Variants in PTPRZ1 observed in about 807,000 individuals in gnomAD.
PTPRZ1 encodes receptor-type tyrosine-protein phosphatase zeta.
PTPRZ1 carries 82 observed loss-of-function variants against 214.1 expected under a neutral mutation model. That is an observed-to-expected ratio of 0.38 (90% CI 0.32 to 0.46). PTPRZ1 has a LOEUF of 0.46. Ranked by LOEUF, PTPRZ1 falls within the 20% of genes least tolerant of loss-of-function variation. The pLI is 1.00. For missense variants in PTPRZ1, 2,603 were observed against 2,748.7 expected, an observed-to-expected ratio of 0.95 and a Z score of 1.19; for synonymous variants, 945 against 987.9, an observed-to-expected ratio of 0.96 and a Z score of 0.81.
chr7:121,903,777 A>G (rs1293273816), intron 1 of PTPRZ1, among the ~76,000 whole-genome samples: 1 of 152,196 alleles, frequency 6.6e-6, no homozygotes. Context: ...GAAGAGAGTT[A>G]ATCCTAGTAA....
chr7:121,937,085 A>T (rs1490206348), intron 2 of PTPRZ1, among the ~76,000 whole-genome samples: 1 of 152,234 alleles, frequency 6.6e-6, no homozygotes, highest in Admixed American at 6.5e-5. Flanking sequence ...ATAGACTGTT[A>T]TAGAGCTTCT....
chr7:121,928,708 T>C (rs1795838989), intron 2 of PTPRZ1, among the ~76,000 whole-genome samples: 1 of 152,250 alleles, frequency 6.6e-6, no homozygotes, highest in Middle Eastern at 3.2e-3. Context: ...GGCATTCTTC[T>C]GAATTACTGT....
intron 8 of PTPRZ1, among the ~76,000 whole-genome samples, chr7:121,994,127 C>A (rs767560003): frequency 3.9e-5 from 6 of 152,074 alleles, no homozygotes; most frequent in Admixed American, 6.6e-5. Context: ...AATTTTGACA[C>A]GTCTACTGAT....
intron 1 of PTPRZ1, among the ~76,000 whole-genome samples, chr7:121,882,748 TA>T (rs1296919930): frequency 1.3e-5 from 2 of 152,138 alleles, no homozygotes; most frequent in African/African-American, 4.8e-5. Flanking sequence ...GAAGCTTGGT[TA>T]AAAGCCTCTT....
chr7:122,003,354 C>T (rs544671298), intron 10 of PTPRZ1, among the ~76,000 whole-genome samples: 6 of 152,140 alleles, frequency 3.9e-5, no homozygotes, highest in Non-Finnish European at 8.8e-5. Flanking sequence ...AATTTTGAAA[C>T]AGCTAAGTTG....
rs775406221 is a variant in PTPRZ1, at chr7:122,011,031, C to T, written c.1985C>T (p.Ala662Val). 5 of 1,614,118 alleles carry T rather than the reference C, an allele frequency of 3.1e-6. No homozygotes were observed. The South Asian group carries it at 5.5e-5, about 18-fold the overall frequency. The stretch of plus-strand genomic sequence containing the variant: ...TTTCCTAGCTCTACAGACATAACAG[C>T]ACAGCCCGATGTTGGATCAGGCAGA... The part of the protein sequence containing the change: ...VWFPSSTDIT[A>V]QPDVGSGRES... Residue 662 changes from alanine (A) to valine (V), a missense_variant, in exon 12 of 30, where the codon GCA becomes GTA. This residue lies in a region of PTPRZ1 where 1,913 missense variants were observed against 1,914.3 expected (regional missense o/e 1.00). Transcript: ENST00000393386.
intron 2 of PTPRZ1, among the ~76,000 whole-genome samples, chr7:121,936,536 C>T (rs934063202): frequency 9.2e-5 from 14 of 152,194 alleles, no homozygotes; most frequent in Admixed American, 8.5e-4. Context: ...GTTGCAGCCA[C>T]GGCTTTTACA....
At chr7:121,970,150 C>T (rs1163298397) in intron 3 of PTPRZ1, among the ~76,000 whole-genome samples, 1 of 152,016 alleles carries the variant, frequency 6.6e-6, no homozygotes, top group African/African-American at 2.4e-5. Flanking sequence ...TTTATGGCTG[C>T]ATAGTATTCC....
At chr7:122,056,906 T>C (rs1792366449) in intron 27 of PTPRZ1, among the ~76,000 whole-genome samples, 1 of 151,978 alleles carries the variant, frequency 6.6e-6, no homozygotes, top group Non-Finnish European at 1.5e-5. Context: ...GTGAACTTTA[T>C]ATAAATTATG....
chr7:121,904,859 G>T (rs1288095160), intron 1 of PTPRZ1, among the ~76,000 whole-genome samples: 6 of 152,046 alleles, frequency 3.9e-5, no homozygotes, highest in Admixed American at 1.3e-4. Flanking sequence ...GCACAATTTT[G>T]TTCAGCTACC....
At chr7:121,876,653 A>G (rs1794071282) in intron 1 of PTPRZ1, among the ~76,000 whole-genome samples, 1 of 152,224 alleles carries the variant, frequency 6.6e-6, no homozygotes, top group Non-Finnish European at 1.5e-5. Flanking sequence ...CCCAAATAAT[A>G]ACTAGCCTCT....
At chr7:121,913,790 A>C (rs528668606) in intron 1 of PTPRZ1, among the ~76,000 whole-genome samples, 45 of 152,210 alleles carry the variant, frequency 3.0e-4, no homozygotes, top group Non-Finnish European at 5.7e-4. Context: ...ATTGAGTGAA[A>C]TTTCAAATTA....
intron 10 of PTPRZ1, among the ~76,000 whole-genome samples, chr7:122,000,714 T>C (rs1265558938): frequency 8.0e-6 from 1 of 125,600 alleles, no homozygotes; most frequent in African/African-American, 3.0e-5. Context: ...TGAGGTGGAG[T>C]CTTGCTCTGT....
At chr7:121,873,727 C>T (rs947132062) in intron 1 of PTPRZ1, among the ~76,000 whole-genome samples, 170 bp downstream of exon 1, 2 of 151,996 alleles carry the variant, frequency 1.3e-5, no homozygotes, top group East Asian at 2.0e-4. Flanking sequence ...CAGGCAGCTG[C>T]GTGGGATTTG....
chr7:121,903,966 T>TCACACACAGACACACACA lies in PTPRZ1; in HGVS notation c.59-24182_59-24181insGACACACACACACACACA, dbSNP rs755394033. Among the ~76,000 whole-genome samples the TCACACACAGACACACACA allele has an allele frequency of 9.7e-5, 12 of 123,922 alleles. No individual in the cohort carries two copies. The South Asian group carries it at 2.0e-3, about 21-fold the overall frequency. The allele number at this position is 123,922 out of a possible 152,430, so 81.3% of individuals were successfully genotyped here. A position where few individuals can be genotyped will look rare whatever the true frequency, so the allele number is the denominator to read the frequency against. ...AGGATTCTGTTCCAGTCTTTAAATC[T>TCACACACAGACACACACA]CACACACACACACACACACACACAC... is the stretch of plus-strand genomic sequence containing the variant. On this transcript the variant is annotated intron_variant, in intron 1 of 29. Transcript: ENST00000393386.
chr7:121,876,659 C>T (rs550582417), intron 1 of PTPRZ1, among the ~76,000 whole-genome samples: 3 of 152,126 alleles, frequency 2.0e-5, no homozygotes, highest in Admixed American at 2.0e-4. Flanking sequence ...TAATAACTAG[C>T]CTCTATTCAG....
intron 1 of PTPRZ1, among the ~76,000 whole-genome samples, chr7:121,914,418 T>C (rs1563015031): frequency 6.6e-6 from 1 of 152,152 alleles, no homozygotes. Context: ...ATAGAAAAGG[T>C]TCCTCTGCTC....
chr7:122,045,891 T>C (rs1358451329), intron 23 of PTPRZ1, among the ~76,000 whole-genome samples: 2 of 152,088 alleles, frequency 1.3e-5, no homozygotes, highest in African/African-American at 4.8e-5. Context: ...ACATCATAAA[T>C]AGGGAAATGT....
rs1363488140 is a variant in PTPRZ1 at position 122,010,378 on chromosome 7, T to A, written c.1332T>A (p.Asn444Lys). 2 of 1,613,058 alleles carry A rather than the reference T, an allele frequency of 1.2e-6. No individual in the cohort carries two copies. The highest frequency in any genetic ancestry group is 8.5e-7 in the Non-Finnish European group (1 of 1,179,692). ...GKDIEEGAIV[N>K]PGRDSATNQI... ...ACATTGAAGAAGGCGCTATTGTGAATCCTGGTAGAGACAGTGCTACAAACC... is the reference window on the plus strand; with the variant it reads ...ACATTGAAGAAGGCGCTATTGTGAAACCTGGTAGAGACAGTGCTACAAACC... The change falls in exon 12 of 30, where the codon AAT (asparagine) becomes AAA (lysine). Residue 444 changes from asparagine to lysine, a missense_variant. By Grantham distance (94) the Asn-to-Lys change is moderately conservative. Transcript: ENST00000393386.
Sources: gnomAD v4.1 joint callset for allele counts (sites outside exome capture counted in the v4.1 genomes callset) on GRCh38, gnomAD v4.1.1 for gene constraint, gnomAD v4.1.1 regional missense constraint, MANE v1.5 for transcripts, NCBI Gene and HGNC (gene_info 2026-07-23, HGNC 2026-07-21) for gene names.